The following DENND5B variants were observed in gnomAD, a reference collection of about 807,000 sequenced individuals.
The protein encoded by DENND5B is DENN domain containing 5B.
Under a neutral mutation model 140.6 loss-of-function variants are expected in DENND5B, and 34 were observed. The ratio of observed to expected loss-of-function variants is 0.24; its 90% CI spans 0.18 to 0.32. DENND5B has a LOEUF of 0.32. Among genes scored for constraint, DENND5B ranks in the 10% least tolerant of loss-of-function variants. The pLI, the probability that DENND5B is intolerant of heterozygous loss-of-function variation, is 1.00. For missense variants in DENND5B, 1,142 were observed against 1,560.2 expected, an observed-to-expected ratio of 0.73 and a Z score of 4.52; for synonymous variants, 551 against 562.1, an observed-to-expected ratio of 0.98 and a Z score of 0.28.
intron 13 of DENND5B, 32 bp downstream of exon 13, chr12:31,413,404 G>A (rs754686761): frequency 5.6e-6 from 9 of 1,597,948 alleles, no homozygotes; most frequent in South Asian, 2.2e-5. Flanking sequence ...ATGGATTATA[G>A]AAACAGAAAT....
chr12:31,562,668 C>T (rs1949516231), intron 1 of DENND5B, among the ~76,000 whole-genome samples: 1 of 151,876 alleles, frequency 6.6e-6, no homozygotes, highest in Admixed American at 6.6e-5. Context: ...TAGTTGTATA[C>T]GATCTGTGTA....
intron 1 of DENND5B, among the ~76,000 whole-genome samples, chr12:31,581,344 T>C (rs1950202929): frequency 6.6e-6 from 1 of 152,076 alleles, no homozygotes; most frequent in South Asian, 2.1e-4. Context: ...AAAGTCCATG[T>C]AGATAATAAT....
At chr12:31,521,771 C>A (rs2139007632) in intron 1 of DENND5B, among the ~76,000 whole-genome samples, 1 of 152,262 alleles carries the variant, frequency 6.6e-6, no homozygotes, top group African/African-American at 2.4e-5. Flanking sequence ...CATCCCCATG[C>A]CTTAGTTTAG....
At chr12:31,559,752 A>G (rs1315162237) in intron 1 of DENND5B, among the ~76,000 whole-genome samples, 1 of 152,200 alleles carries the variant, frequency 6.6e-6, no homozygotes, top group Non-Finnish European at 1.5e-5. Flanking sequence ...ACAGTGAAAG[A>G]AATAGAATCA....
At chr12:31,556,634 T>G (rs777401130) in intron 1 of DENND5B, among the ~76,000 whole-genome samples, 1 of 152,276 alleles carries the variant, frequency 6.6e-6, no homozygotes, top group East Asian at 1.9e-4. Context: ...CTGGGCAACA[T>G]AGCAAGACCC....
intron 1 of DENND5B, among the ~76,000 whole-genome samples, chr12:31,528,556 G>A (rs1948167157): frequency 6.6e-6 from 1 of 152,096 alleles, no homozygotes; most frequent in African/African-American, 2.4e-5. Context: ...AGATGTATTT[G>A]AATTCTGGAT....
chr12:31,433,420 A>G (rs1943605545), intron 7 of DENND5B, among the ~76,000 whole-genome samples, 172 bp from the exon 8 acceptor site: 1 of 152,252 alleles, frequency 6.6e-6, no homozygotes, highest in African/African-American at 2.4e-5. Flanking sequence ...TTTAAAACAT[A>G]CAACCAAACG....
chr12:31,450,300 G>A (rs1391458167), intron 5 of DENND5B, among the ~76,000 whole-genome samples: 1 of 152,220 alleles, frequency 6.6e-6, no homozygotes, highest in East Asian at 1.9e-4. Context: ...ACACCAGAAC[G>A]TAACTGTTCA....
At chr12:31,558,870 G>A (rs1351753124) in intron 1 of DENND5B, among the ~76,000 whole-genome samples, 1 of 152,152 alleles carries the variant, frequency 6.6e-6, no homozygotes, top group Non-Finnish European at 1.5e-5. Flanking sequence ...ACTAACAAAT[G>A]CAACTAACAC....
chr12:31,538,343 G>A (rs1948572981), intron 1 of DENND5B, among the ~76,000 whole-genome samples: 1 of 151,926 alleles, frequency 6.6e-6, no homozygotes, highest in Non-Finnish European at 1.5e-5. Context: ...AATAAAACTA[G>A]AGATCAATAA....
At chr12:31,515,296 C>T (rs1220882809) in intron 1 of DENND5B, among the ~76,000 whole-genome samples, 1 of 152,106 alleles carries the variant, frequency 6.6e-6, no homozygotes, top group Non-Finnish European at 1.5e-5. Flanking sequence ...CAGAGTGAGA[C>T]CCCATCTCTA....
chr12:31,410,286 G>T (rs1036549658), intron 13 of DENND5B, among the ~76,000 whole-genome samples: 7 of 151,992 alleles, frequency 4.6e-5, no homozygotes, highest in Admixed American at 4.6e-4. Context: ...GATGAAATGG[G>T]GCAAAGATTT....
chr12:31,450,966 A>G (rs1944488259), intron 5 of DENND5B, among the ~76,000 whole-genome samples: 1 of 152,212 alleles, frequency 6.6e-6, no homozygotes, highest in Non-Finnish European at 1.5e-5. Flanking sequence ...ATCACAGGAC[A>G]AGGAAAGCTG....
chr12:31,537,838 C>T (rs1314618653), intron 1 of DENND5B, among the ~76,000 whole-genome samples: 5 of 151,944 alleles, frequency 3.3e-5, no homozygotes, highest in South Asian at 4.2e-4. Context: ...AGTAGCTATA[C>T]GTATATCAGA....
chr12:31,563,384 A>T (rs1182504965), intron 1 of DENND5B, among the ~76,000 whole-genome samples: 1 of 152,226 alleles, frequency 6.6e-6, no homozygotes, highest in African/African-American at 2.4e-5. Context: ...AATGAACTCC[A>T]ACTGCTAACC....
intron 6 of DENND5B, chr12:31,443,674 ATTAAC>A (rs1294434006): frequency 6.6e-6 from 1 of 152,218 alleles, no homozygotes; most frequent in African/African-American, 2.4e-5. Flanking sequence ...CAATGGCCTT[ATTAAC>A]TTTACTTCTT....
intron 1 of DENND5B, among the ~76,000 whole-genome samples, chr12:31,536,069 T>C (rs1287886276): frequency 1.3e-5 from 2 of 152,122 alleles, no homozygotes; most frequent in Non-Finnish European, 2.9e-5. Context: ...CTGCTTCTAA[T>C]CATGTGAGAC....
intron 6 of DENND5B, chr12:31,443,743 G>A (rs1043248325): frequency 1.3e-5 from 2 of 152,070 alleles, no homozygotes; most frequent in Non-Finnish European, 2.9e-5. Context: ...AACAAGGAAC[G>A]GTGTGAAGTT....
At chr12:31,511,909 C>A (rs1175929951) in intron 1 of DENND5B, among the ~76,000 whole-genome samples, 1 of 146,356 alleles carries the variant, frequency 6.8e-6, no homozygotes, top group Admixed American at 7.2e-5. Flanking sequence ...TAAAAACATC[C>A]CCTCCACTGC....
Sources: gnomAD v4.1 joint callset for allele counts (sites outside exome capture counted in the v4.1 genomes callset) on GRCh38, gnomAD v4.1.1 for gene constraint, MANE v1.5 for transcripts, NCBI Gene and HGNC (gene_info 2026-07-23, HGNC 2026-07-21) for gene names.